Variants in TCFL5 observed in about 807,000 individuals in gnomAD.
TCFL5 encodes transcription factor like 5.
In TCFL5, 9 loss-of-function variants were observed where a neutral mutation model predicts 44.3. That is an observed-to-expected ratio of 0.20 (90% CI 0.12 to 0.35). The LOEUF (loss-of-function observed/expected upper bound fraction) is 0.35, where lower values mean the gene tolerates loss of function less well. Ranked by LOEUF, TCFL5 falls within the 10% of genes least tolerant of loss-of-function variation. The pLI, the probability that TCFL5 is intolerant of heterozygous loss-of-function variation, is 1.00. For synonymous variants in TCFL5, 319 were observed against 271.6 expected, an observed-to-expected ratio of 1.17 and a Z score of -1.72; for missense variants, 603 against 613.4, an observed-to-expected ratio of 0.98 and a Z score of 0.18.
intron 5 of TCFL5, among the ~76,000 whole-genome samples, chr20:62,849,620 T>C (rs1020369580): frequency 1.3e-5 from 2 of 151,866 alleles, no homozygotes; most frequent in Non-Finnish European, 2.9e-5. Context: ...CCCAGCACTT[T>C]GGGAGGCCAG....
chr20:62,857,660 T>G (rs1329354220), intron 3 of TCFL5, 22 bp from the exon 4 acceptor site: 1 of 1,605,124 alleles, frequency 6.2e-7, no homozygotes, highest in Admixed American at 1.7e-5. Flanking sequence ...AAGAAAAAAG[T>G]GGTTTTTAAT....
At position 62,841,810 on chromosome 20, in the gene TCFL5, A is replaced by C; in HGVS notation, c.*165T>G. On this transcript the variant is annotated 3_prime_UTR_variant, in exon 6 of 6. Transcript: ENST00000335351. ...TGGATAAGCATTTGCGTCTAGATAA[A>C]TATTTTTACAAAATGTGCTCTCAAA... 1 of 803,398 alleles carries C rather than the reference A, an allele frequency of 1.2e-6. No homozygotes were observed. Among genetic ancestry groups the C allele is most frequent in the Non-Finnish European group, 1.8e-6 (1 of 551,662 alleles). 49.8% of individuals were successfully genotyped at this position (803,398 alleles called of 1,614,324 possible).
chr20:62,853,023 C>T (rs968294649), intron 5 of TCFL5: 99 of 1,259,826 alleles, frequency 7.9e-5, no homozygotes, highest in Middle Eastern at 2.1e-4. Context: ...TATAGTCACC[C>T]GGTCCACAGA....
chr20:62,860,035 G>C (rs1194766484), intron 2 of TCFL5, 90 bp downstream of exon 2: 1 of 1,322,940 alleles, frequency 7.6e-7, no homozygotes, highest in Non-Finnish European at 1.0e-6. Context: ...TCACTGAAGG[G>C]AAAAAAAAGT....
At chr20:62,852,792 C>T in intron 5 of TCFL5, 1 of 1,289,316 alleles carries the variant, frequency 7.8e-7, no homozygotes, top group Non-Finnish European at 1.0e-6. Context: ...GCACGGTCAC[C>T]CGGTCCGCAG....
chr20:62,861,141 G>A lies in TCFL5; in HGVS notation c.530C>T (p.Ala177Val), dbSNP rs1361741960. The change falls in exon 1 of 6, where the codon GCC becomes GTC. Residue 177 changes from alanine (A) to valine (V), a missense_variant. By Grantham distance (64) the Ala-to-Val change is moderately conservative. Coordinates refer to ENST00000335351, the MANE Select transcript of TCFL5 (RefSeq NM_006602.4). The surrounding 1 kb of genome is among the most constrained non-coding windows in gnomAD (Gnocchi z 4.0). ...AAAGPDGAPE[A>V]RAKPAVRVRL... is the part of the protein sequence containing the mutation. ...GACGCGCACGGCCGGCTTGGCCCGGGCCTCGGGCGCGCCGTCGGGTCCAGC... is the reference window on the plus strand; with the variant it reads ...GACGCGCACGGCCGGCTTGGCCCGGACCTCGGGCGCGCCGTCGGGTCCAGC... The A allele has an allele frequency of 4.0e-6, 4 of 1,004,068 alleles. No homozygotes were observed. Among genetic ancestry groups the A allele is most frequent in the East Asian group, 1.1e-4 (1 of 9,488 alleles). 62.2% of individuals were successfully genotyped at this position (1,004,068 alleles called of 1,614,324 possible). A position where few individuals can be genotyped will look rare whatever the true frequency, so the allele number is the denominator to read the frequency against.
At chr20:62,847,846 C>T (rs1042718868) in intron 5 of TCFL5, among the ~76,000 whole-genome samples, 3 of 152,208 alleles carry the variant, frequency 2.0e-5, no homozygotes, top group African/African-American at 7.2e-5. Flanking sequence ...TCCATCTCTA[C>T]TAAAAATACA....
chr20:62,848,448 G>A (rs1448533514), intron 5 of TCFL5, among the ~76,000 whole-genome samples: 1 of 152,184 alleles, frequency 6.6e-6, no homozygotes, highest in African/African-American at 2.4e-5. Flanking sequence ...ATATTAAAAA[G>A]TCAACACGGG....
rs897262917 is a variant in TCFL5 at position 62,859,524 on chromosome 20, A to G, written c.834T>C (p.Ser278=). ...CAAGTACAGAACATGAGTTACTAGA[A>G]CTCTGGAAAAAAATGAAGCAACAGG... The part of the protein sequence containing the change: ...SGNSNLSQTQ[S]SSNSCSVLEA... The change falls in exon 3 of 6, where the codon AGT becomes AGC. Residue 278 remains serine, a splice_region_variant and synonymous_variant. Transcript: ENST00000335351. The G allele has an allele frequency of 1.2e-6, 2 of 1,605,028 alleles. No homozygotes were observed. Among genetic ancestry groups the G allele is most frequent in the Non-Finnish European group, 1.7e-6 (2 of 1,178,110 alleles).
At chr20:62,854,396 C>T (rs1315300260) in intron 4 of TCFL5, among the ~76,000 whole-genome samples, 1 of 152,206 alleles carries the variant, frequency 6.6e-6, no homozygotes, top group East Asian at 1.9e-4. Context: ...CCCCATGACC[C>T]ACAAGCTCCC....
In TCFL5 at chr20:62,841,876, C is replaced by A; in HGVS notation, c.*99G>T. The A allele has an allele frequency of 1.3e-6, 2 of 1,513,122 alleles. No individual in the cohort carries two copies. The highest frequency in any genetic ancestry group is 1.3e-5 in the South Asian group (1 of 77,744). The allele number at this position is 1,513,122 out of a possible 1,614,324, so 93.7% of individuals were successfully genotyped here. On this transcript the variant is annotated 3_prime_UTR_variant, in exon 6 of 6. Coordinates refer to ENST00000335351, the MANE Select transcript of TCFL5 (RefSeq NM_006602.4). Reference sequence around the variant, plus strand: ...CCGTCAGCTTGAGTCACGCCCTTTTCGAGTCAGACTAGCCGAGCAGAGCTC... The same window carrying A: ...CCGTCAGCTTGAGTCACGCCCTTTTAGAGTCAGACTAGCCGAGCAGAGCTC...
intron 5 of TCFL5, among the ~76,000 whole-genome samples, chr20:62,846,778 AAGAG>A (rs555248189): frequency 1.0e-3 from 155 of 151,932 alleles, no homozygotes; most frequent in African/African-American, 3.5e-3. Context: ...AAAAAAAAAA[AAGAG>A]AGAAAGAAAA....
At position 62,853,928 on chromosome 20, in the gene TCFL5, G is replaced by C. The variant is rs1372716363; in HGVS notation, c.1380+88C>G. The C allele has an allele frequency of 3.5e-6, 5 of 1,412,590 alleles. No individual in the cohort carries two copies. In the African/African-American group the frequency reaches 7.1e-5, roughly 20 times the overall value. 87.5% of individuals were successfully genotyped at this position (1,412,590 alleles called of 1,614,324 possible). On this transcript the variant is annotated intron_variant, in intron 5 of 5. Transcript: ENST00000335351. ...TGATGTTAGATTCCAGGAAACAAAG[G>C]ATAGTTTGAGTTATCCTTAGGAAAA... is the stretch of plus-strand genomic sequence containing the variant.
At chr20:62,860,043 A>G in intron 2 of TCFL5, 82 bp downstream of exon 2, 1 of 1,390,114 alleles carries the variant, frequency 7.2e-7, no homozygotes, top group Non-Finnish European at 9.8e-7. Context: ...GGGAAAAAAA[A>G]GTACTTGGGA....
chr20:62,845,543 G>T (rs2063730594), intron 5 of TCFL5: 3 of 1,459,178 alleles, frequency 2.1e-6, no homozygotes, highest in Non-Finnish European at 2.7e-6. Context: ...TGGCAAGATA[G>T]AATTCACCTT....
At chr20:62,851,746 G>C in intron 5 of TCFL5, 4 of 985,444 alleles carry the variant, frequency 4.1e-6, no homozygotes, top group Non-Finnish European at 4.8e-6. Flanking sequence ...GCGCTGAAGA[G>C]ACGAGCCCTC....
rs2063688334 is a variant in TCFL5 at position 62,842,308 on chromosome 20, T to C, written c.1381-211A>G. Among the ~76,000 whole-genome samples the C allele has an allele frequency of 6.6e-6, 1 of 152,220 alleles. No individual in the cohort carries two copies. Among genetic ancestry groups the C allele is most frequent in the Admixed American group, 6.5e-5 (1 of 15,284 alleles). On this transcript the variant is annotated intron_variant, in intron 5 of 5. Transcript: ENST00000335351. The surrounding 1 kb of genome is among the most constrained non-coding windows in gnomAD (Gnocchi z 4.3). ...TTTTTTTTTCAAATAGCAGTTACAC[T>C]GTACATGTACTTTTGTTTTTCCAAT...
At position 62,842,125 on chromosome 20, in the gene TCFL5, A is replaced by G. The variant is rs2063686107; in HGVS notation, c.1381-28T>C. 1.9e-6 allele frequency: 3 copies of G among 1,612,530 alleles called. No homozygotes were observed. In the East Asian group the frequency reaches 6.7e-5, roughly 36 times the overall value. On this transcript the variant is annotated intron_variant, in intron 5 of 5. Transcript: ENST00000335351. This position sits in a 1 kb window ranked among gnomAD's most constrained non-coding sequence, Gnocchi z 4.3. ...GCAGTGAAGAAGTGACGGTTAACAT[A>G]CTGAATTAACTGACATGAAAACTGC...
At chr20:62,852,749 G>A in intron 5 of TCFL5, 1 of 1,284,014 alleles carries the variant, frequency 7.8e-7, no homozygotes, top group Non-Finnish European at 1.0e-6. Context: ...TAGTCACCTG[G>A]TCCGCAGAAG....
Sources: allele counts gnomAD v4.1 joint callset (sites outside exome capture counted in the v4.1 genomes callset), GRCh38; gene constraint gnomAD v4.1.1; non-coding constraint Gnocchi (gnomAD v3.1); transcripts MANE v1.5; gene names NCBI Gene and HGNC (gene_info 2026-07-23, HGNC 2026-07-21).